DCHS2: variants seen among roughly 807,000 people sequenced by gnomAD.
The protein encoded by DCHS2 is dachsous cadherin-related 2.
Under a neutral mutation model 182.4 loss-of-function variants are expected in DCHS2, and 142 were observed. The observed-to-expected ratio is 0.78, with a 90% CI of 0.68 to 0.89. The LOEUF (loss-of-function observed/expected upper bound fraction) is 0.89. Among genes scored for constraint, DCHS2 ranks in the 40% least tolerant of loss-of-function variants. The pLI, the probability that DCHS2 is intolerant of heterozygous loss-of-function variation, is 0.00. For missense variants in DCHS2, 4,319 were observed against 4,198.6 expected, an observed-to-expected ratio of 1.03 and a Z score of -0.79; for synonymous variants, 1,740 against 1,663.3, an observed-to-expected ratio of 1.05 and a Z score of -1.12.
rs189478912 is a variant in DCHS2 at position 154,289,422 on chromosome 4, T to C, written c.6463+8429A>G. On this transcript the variant is annotated intron_variant, in intron 13 of 19. Transcript: ENST00000357232. Reference sequence around the variant, plus strand: ...AAAGCCTGAACAGACCAATAATATGTAATGAGATCAAAGCTGTAATAAAAA... The same window carrying C: ...AAAGCCTGAACAGACCAATAATATGCAATGAGATCAAAGCTGTAATAAAAA... Among the ~76,000 whole-genome samples the C allele has an allele frequency of 2.0e-5, 3 of 152,120 alleles. No homozygotes were observed. In the East Asian group the frequency reaches 5.8e-4, roughly 29 times the overall value.
At chr4:154,258,673 T>C (rs1186775986) in intron 15 of DCHS2, among the ~76,000 whole-genome samples, 1 of 151,960 alleles carries the variant, frequency 6.6e-6, no homozygotes, top group Non-Finnish European at 1.5e-5. Context: ...CACTGTGGGG[T>C]CTTTTTATAT....
At chr4:154,421,614 C>T (rs992366320) in intron 1 of DCHS2, among the ~76,000 whole-genome samples, 8 of 152,052 alleles carry the variant, frequency 5.3e-5, no homozygotes, top group African/African-American at 1.7e-4. Flanking sequence ...AGGCTGGTCT[C>T]GAACTCCTGA....
At chr4:154,360,341 T>C (rs1008247818) in intron 3 of DCHS2, among the ~76,000 whole-genome samples, 1 of 152,112 alleles carries the variant, frequency 6.6e-6, no homozygotes, top group Admixed American at 6.6e-5. Flanking sequence ...CTTCCTCCAC[T>C]AAATGAGGCA....
chr4:154,325,460 C>T (rs1270732293), intron 7 of DCHS2, among the ~76,000 whole-genome samples: 1 of 151,900 alleles, frequency 6.6e-6, no homozygotes, highest in Non-Finnish European at 1.5e-5. Context: ...TCTTATTGAC[C>T]TAACTGACCT....
intron 1 of DCHS2, among the ~76,000 whole-genome samples, chr4:154,436,971 G>T (rs1040708368): frequency 1.4e-4 from 21 of 152,248 alleles, no homozygotes; most frequent in African/African-American, 5.1e-4. Context: ...AATTTCATCT[G>T]TTTCCTCTTC....
At chr4:154,403,047 C>T (rs931926932) in intron 1 of DCHS2, among the ~76,000 whole-genome samples, 4 of 152,158 alleles carry the variant, frequency 2.6e-5, no homozygotes, top group African/African-American at 9.7e-5. Context: ...TTGCTAAATT[C>T]ACTTATTTGT....
At chr4:154,478,754 T>C (rs1735795995) in intron 1 of DCHS2, among the ~76,000 whole-genome samples, 1 of 152,062 alleles carries the variant, frequency 6.6e-6, no homozygotes, top group Admixed American at 6.6e-5. Context: ...AACAGCCCAG[T>C]TAAGAAAAAA....
intron 13 of DCHS2, among the ~76,000 whole-genome samples, chr4:154,285,535 T>C (rs530946466): frequency 6.6e-6 from 1 of 152,284 alleles, no homozygotes; most frequent in Admixed American, 6.5e-5. Context: ...CCTGGCAATA[T>C]TCATCACAAG....
chr4:154,480,392 G>C (rs1735874454), intron 1 of DCHS2, among the ~76,000 whole-genome samples: 1 of 152,218 alleles, frequency 6.6e-6, no homozygotes, highest in Non-Finnish European at 1.5e-5. Flanking sequence ...AGGACGGTTT[G>C]TCATATTGAA....
chr4:154,489,479 T>C lies in DCHS2; in HGVS notation c.1877A>G (p.Gln626Arg). The change falls in exon 1 of 20, where the codon CAG becomes CGG. Residue 626 changes from glutamine to arginine, a missense_variant. Physicochemically the swap from Gln to Arg is conservative, Grantham distance 43. Coordinates refer to ENST00000357232, the MANE Select transcript of DCHS2 (RefSeq NM_001358235.2). ...STIRTLDREV[Q>R]EAVELKVVAQ... Reference sequence around the variant, plus strand: ...CACCACTTTCAGCTCCACCGCCTCCTGGACCTCTCGGTCTAGAGTCCGGAT... The same window carrying C: ...CACCACTTTCAGCTCCACCGCCTCCCGGACCTCTCGGTCTAGAGTCCGGAT... 1 of 1,551,728 alleles carries C rather than the reference T, an allele frequency of 6.4e-7. No homozygotes were observed. Among genetic ancestry groups the C allele is most frequent in the Non-Finnish European group, 8.7e-7 (1 of 1,146,998 alleles).
chr4:154,305,374 A>AGGTTTTCTTTT, intron 10 of DCHS2, 143 bp from the exon 11 acceptor site: 1 of 1,128,082 alleles, frequency 8.9e-7, no homozygotes, highest in Non-Finnish European at 1.2e-6. Context: ...AAGGTAAAAG[A>AGGTTTTCTTTT]AAACCTCTTT....
rs565431254 is a variant in DCHS2 at position 154,489,601 on chromosome 4, AG to A, written c.1754del (p.Ala585ValfsTer37). On this transcript the variant is annotated frameshift_variant, in exon 1 of 20. Transcript: ENST00000357232. LOFTEE classifies it high-confidence loss of function. ...WLRYTVVQLS[A>X]PCNLGSLQSK... ...ATTGCAGGGAGCCGAGATTGCAGGGAGCCGAGAGTTGGACTACAGTGTAGCG... is the reference window on the plus strand; with the variant it reads ...ATTGCAGGGAGCCGAGATTGCAGGGACCGAGAGTTGGACTACAGTGTAGCG... 6.4e-6 allele frequency: 10 copies of A among 1,550,480 alleles called. No homozygotes were observed. The highest frequency in any genetic ancestry group is 7.9e-6 in the Non-Finnish European group (9 of 1,146,188).
At position 154,235,253 on chromosome 4, in the gene DCHS2, C is replaced by T. The variant is rs140493376; in HGVS notation, c.9399G>A (p.Ser3133=). The T allele has an allele frequency of 2.0e-5, 32 of 1,613,912 alleles. No homozygotes were observed. In the East Asian group the frequency reaches 2.0e-4, roughly 10 times the overall value. Residue 3133 remains serine (S), a synonymous_variant, in exon 20 of 20, where the codon TCG becomes TCA. Coordinates refer to ENST00000357232, the MANE Select transcript of DCHS2 (RefSeq NM_001358235.2). ...LSDHESRVPD[S]GIPRDSDQLS... is the part of the protein sequence containing the mutation. ...GCTGGTCTGAGTCCCTCGGGATACC[C>T]GAGTCTGGCACCCTGGACTCGTGGT...
In DCHS2 at chr4:154,235,125, G is replaced by C. The variant is rs763501582; in HGVS notation, c.9527C>G (p.Thr3176Ser). 1 of 1,613,976 alleles carries C rather than the reference G, an allele frequency of 6.2e-7. No homozygotes were observed. Among genetic ancestry groups the C allele is most frequent in the South Asian group, 1.1e-5 (1 of 91,082 alleles). ...EGDQGEGCST[T>S]CAQNNVLPQT... ...GGGTAACACATTATTTTGAGCACAGGTGGTGCTGCAGCCTTCCCCTTGATC... is the reference window on the plus strand; with the variant it reads ...GGGTAACACATTATTTTGAGCACAGCTGGTGCTGCAGCCTTCCCCTTGATC... Residue 3176 changes from threonine to serine, a missense_variant, in exon 20 of 20, where the codon ACC becomes AGC. Thr to Ser is a moderately conservative substitution (Grantham distance 58, BLOSUM62 1). Transcript: ENST00000357232.
In DCHS2 at chr4:154,491,741, A is replaced by T. The variant is rs1728845150; in HGVS notation, c.-386T>A. On this transcript the variant is annotated 5_prime_UTR_variant, in exon 1 of 20. Transcript: ENST00000357232. ...TTCTTTTGCCAAAAAGGAGGAGATT[A>T]TATGAAGCGCGCACACACAAGGAGA... 1.1e-5 allele frequency: 11 copies of T among 1,023,536 alleles called. No individual in the cohort carries two copies. The highest frequency in any genetic ancestry group is 1.3e-5 in the Non-Finnish European group (11 of 856,174). The allele number at this position is 1,023,536 out of a possible 1,614,324, so 63.4% of individuals were successfully genotyped here. A position where few individuals can be genotyped will look rare whatever the true frequency, so the allele number is the denominator to read the frequency against.
intron 1 of DCHS2, among the ~76,000 whole-genome samples, chr4:154,442,296 C>T (rs1734052840): frequency 6.6e-6 from 1 of 152,096 alleles, no homozygotes; most frequent in African/African-American, 2.4e-5. Flanking sequence ...ATCATTCCTC[C>T]ACCTTGTTGA....
chr4:154,240,601 G>T lies in DCHS2; in HGVS notation c.7295C>A (p.Ala2432Glu), dbSNP rs767115583. Residue 2432 changes from alanine to glutamate, a missense_variant, in exon 18 of 20, where the codon GCA (alanine) becomes GAA (glutamate). Physicochemically the swap from Ala to Glu is moderately radical, Grantham distance 107. Transcript: ENST00000357232. ...GACATCCAGCACACGGACTACAAGT[G>T]CTCCCTCTGTGTAGTGCACTGAATC... Reference protein sequence around the residue: ...ISDSVHYTEGALVVRVLDVND... With the variant: ...ISDSVHYTEGELVVRVLDVND... 1.2e-6 allele frequency: 2 copies of T among 1,613,892 alleles called. No individual in the cohort carries two copies. Among genetic ancestry groups the T allele is most frequent in the South Asian group, 1.1e-5 (1 of 91,088 alleles).
chr4:154,421,700 G>A (rs1193270485), intron 1 of DCHS2, among the ~76,000 whole-genome samples: 2 of 152,184 alleles, frequency 1.3e-5, no homozygotes, highest in Non-Finnish European at 2.9e-5. Context: ...GAACTCATCT[G>A]TGTTTAAACA....
chr4:154,442,897 C>T (rs1288172350), intron 1 of DCHS2, among the ~76,000 whole-genome samples: 1 of 152,100 alleles, frequency 6.6e-6, no homozygotes, highest in African/African-American at 2.4e-5. Flanking sequence ...ATGCCCTCCT[C>T]ATGCAAAAAA....
Sources: allele counts gnomAD v4.1 joint callset (sites outside exome capture counted in the v4.1 genomes callset), GRCh38; gene constraint gnomAD v4.1.1; transcripts MANE v1.5; gene names NCBI Gene and HGNC (gene_info 2026-07-23, HGNC 2026-07-21).